Variants in COL5A2 observed in about 807,000 individuals in gnomAD.
COL5A2 encodes collagen alpha-2(V) chain.
A neutral mutation model predicts 208.2 loss-of-function variants in COL5A2; 23 were observed. That is an observed-to-expected ratio of 0.11 (90% CI 0.08 to 0.16). The LOEUF is 0.16. Ranked by LOEUF, COL5A2 falls within the 10% of genes least tolerant of loss-of-function variation. The pLI is 1.00. For missense variants in COL5A2, 1,590 were observed against 1,956.4 expected, an observed-to-expected ratio of 0.81 and a Z score of 3.53; for synonymous variants, 625 against 628.5, an observed-to-expected ratio of 0.99 and a Z score of 0.08.
chr2:189,303,497 A>T, the COL5A2 span, among the ~76,000 whole-genome samples: 1 of 152,110 alleles, frequency 6.6e-6, no homozygotes, highest in African/African-American at 2.4e-5. Flanking sequence ...TGGGAACATG[A>T]CTAATATTCC....
chr2:189,342,197 CTTT>C, the COL5A2 span, among the ~76,000 whole-genome samples: 1 of 135,550 alleles, frequency 7.4e-6, no homozygotes, highest in Non-Finnish European at 1.6e-5. Context: ...CTAGTGTGCT[CTTT>C]TTTTTTTTTT....
At chr2:189,117,993 C>G (rs1488895020) in intron 1 of COL5A2, among the ~76,000 whole-genome samples, 1 of 152,000 alleles carries the variant, frequency 6.6e-6, no homozygotes, top group Non-Finnish European at 1.5e-5. Flanking sequence ...AAAGTCATTT[C>G]ATAATATTCT....
At chr2:189,252,104 AGGAAACAACAGGTGCT>A in the COL5A2 span, among the ~76,000 whole-genome samples, 1 of 152,214 alleles carries the variant, frequency 6.6e-6, no homozygotes, top group African/African-American at 2.4e-5. Flanking sequence ...TGAAAAAGTC[AGGAAACAACAGGTGCT>A]GGAGAGGATG....
At chr2:189,049,124 C>T (rs1317307620) in intron 44 of COL5A2, among the ~76,000 whole-genome samples, 1 of 152,148 alleles carries the variant, frequency 6.6e-6, no homozygotes, top group Non-Finnish European at 1.5e-5. Context: ...TACTTAGCTC[C>T]AGACTAGATG....
At chr2:189,399,181 GTT>G in the COL5A2 span, among the ~76,000 whole-genome samples, 1 of 151,192 alleles carries the variant, frequency 6.6e-6, no homozygotes, top group East Asian at 1.9e-4. Context: ...TTCATTAGTG[GTT>G]CTTGTAGTAC....
chr2:189,071,952 C>T, intron 18 of COL5A2, 88 bp downstream of exon 18: 1 of 915,344 alleles, frequency 1.1e-6, no homozygotes, highest in South Asian at 1.5e-5. Context: ...AACTTTCACA[C>T]TTTTCAATTA....
At chr2:189,236,380 T>C in the COL5A2 span, among the ~76,000 whole-genome samples, 3 of 151,900 alleles carry the variant, frequency 2.0e-5, no homozygotes, top group African/African-American at 7.2e-5. Flanking sequence ...GTGAAATATA[T>C]ATCGCAGAGT....
the COL5A2 span, among the ~76,000 whole-genome samples, chr2:189,435,143 A>T: frequency 6.6e-6 from 1 of 152,194 alleles, no homozygotes. Context: ...CTGAAACTGG[A>T]TCCCTTCCTT....
intron 35 of COL5A2, among the ~76,000 whole-genome samples, chr2:189,055,440 T>G (rs1685882647): frequency 6.6e-6 from 1 of 152,192 alleles, no homozygotes; most frequent in South Asian, 2.1e-4. Flanking sequence ...AAATATTCTT[T>G]CATCGTTTAA....
the COL5A2 span, among the ~76,000 whole-genome samples, chr2:189,407,332 G>A: frequency 6.6e-6 from 1 of 152,032 alleles, no homozygotes; most frequent in East Asian, 1.9e-4. Flanking sequence ...AAGAATATGG[G>A]GGAGGTGGAG....
rs1351035889 is a variant in COL5A2, at chr2:189,034,813, T to A, written c.4353+103A>T. 4 of 1,344,768 alleles carry A rather than the reference T, an allele frequency of 3.0e-6. No homozygotes were observed. The East Asian group carries it at 9.4e-5, about 31-fold the overall frequency. 83.3% of individuals were successfully genotyped at this position (1,344,768 alleles called of 1,614,324 possible). A position where few individuals can be genotyped will look rare whatever the true frequency, so the allele number is the denominator to read the frequency against. On this transcript the variant is annotated intron_variant, in intron 53 of 53. Coordinates refer to ENST00000374866, the MANE Select transcript of COL5A2 (RefSeq NM_000393.5). ...TATAAACAAACTGCTATTATGCTCATATACAAGGTAAAATTGCCCCCAGTT... is the reference window on the plus strand; with the variant it reads ...TATAAACAAACTGCTATTATGCTCAAATACAAGGTAAAATTGCCCCCAGTT...
At chr2:189,056,430 T>G (rs1685902500) in intron 35 of COL5A2, among the ~76,000 whole-genome samples, 1 of 152,244 alleles carries the variant, frequency 6.6e-6, no homozygotes, top group African/African-American at 2.4e-5. Context: ...TAACGCTTGT[T>G]AAATGTCAAT....
chr2:189,396,395 C>T, the COL5A2 span, among the ~76,000 whole-genome samples: 2 of 152,102 alleles, frequency 1.3e-5, no homozygotes, highest in African/African-American at 2.4e-5. Context: ...ATAAATGGGC[C>T]GGGTGCGGTG....
intron 26 of COL5A2, 76 bp from the exon 27 acceptor site, chr2:189,063,346 T>G: frequency 8.6e-7 from 1 of 1,165,852 alleles, no homozygotes; most frequent in Non-Finnish European, 1.3e-6. Context: ...GTGTCACCTT[T>G]GCTTACTATC....
At chr2:189,379,782 ACT>A in the COL5A2 span, among the ~76,000 whole-genome samples, 5 of 152,166 alleles carry the variant, frequency 3.3e-5, no homozygotes, top group East Asian at 9.6e-4. Flanking sequence ...TCTAGCACAC[ACT>A]GTTTTGATTT....
At chr2:189,248,640 G>A in the COL5A2 span, among the ~76,000 whole-genome samples, 1 of 152,018 alleles carries the variant, frequency 6.6e-6, no homozygotes, top group African/African-American at 2.4e-5. Context: ...TCTGCTTTTT[G>A]TAATATGTGG....
At chr2:189,246,309 T>C in the COL5A2 span, among the ~76,000 whole-genome samples, 1 of 151,810 alleles carries the variant, frequency 6.6e-6, no homozygotes, top group Non-Finnish European at 1.5e-5. Flanking sequence ...AAGAATGTGA[T>C]AGATCAAAGC....
At chr2:189,366,804 T>G in the COL5A2 span, among the ~76,000 whole-genome samples, 1 of 152,228 alleles carries the variant, frequency 6.6e-6, no homozygotes, top group African/African-American at 2.4e-5. Context: ...AATCAAAGAA[T>G]GAGAACTTTG....
the COL5A2 span, among the ~76,000 whole-genome samples, chr2:189,320,481 G>C: frequency 3.3e-4 from 51 of 152,324 alleles, no homozygotes; most frequent in South Asian, 0.01. Context: ...AGGACCTGAT[G>C]GGGCTGAAAA....
Sources: gnomAD v4.1 joint callset for allele counts (sites outside exome capture counted in the v4.1 genomes callset) on GRCh38, gnomAD v4.1.1 for gene constraint, MANE v1.5 for transcripts, NCBI Gene and HGNC (gene_info 2026-07-23, HGNC 2026-07-21) for gene names.